The following KCNT2 variants were observed in gnomAD, a reference collection of about 807,000 sequenced individuals.
The protein encoded by KCNT2 is potassium channel subfamily T member 2.
A neutral mutation model predicts 153.8 loss-of-function variants in KCNT2; 67 were observed. That is an observed-to-expected ratio of 0.44 (90% CI 0.36 to 0.53). The LOEUF (loss-of-function observed/expected upper bound fraction) is 0.53. KCNT2 is among the 20% of genes least tolerant of loss of function. The pLI is 0.00. For missense variants in KCNT2, 975 were observed against 1,354.8 expected (o/e 0.72, Z 4.40); for synonymous variants, 500 against 458.8 (o/e 1.09, Z -1.15).
chr1:196,252,094 T>C (rs1235735242), intron 26 of KCNT2, among the ~76,000 whole-genome samples: 3 of 151,774 alleles, frequency 2.0e-5, no homozygotes, highest in Non-Finnish European at 3.0e-5. Flanking sequence ...ATTTTGCTAG[T>C]TGTGTTTTCT....
chr1:196,555,941 A>T (rs1169465766), intron 1 of KCNT2, among the ~76,000 whole-genome samples: 1 of 151,352 alleles, frequency 6.6e-6, no homozygotes, highest in African/African-American at 2.4e-5. Flanking sequence ...GGAAAACTGG[A>T]TATCCATATG....
intron 5 of KCNT2, among the ~76,000 whole-genome samples, chr1:196,477,514 G>A (rs1039782310): frequency 3.3e-5 from 5 of 152,082 alleles, no homozygotes; most frequent in African/African-American, 1.2e-4. Flanking sequence ...AACCCAGGCG[G>A]AGTTGAAGCT....
chr1:196,251,902 T>A (rs1026632974), intron 26 of KCNT2, among the ~76,000 whole-genome samples: 10 of 151,850 alleles, frequency 6.6e-5, no homozygotes, highest in Admixed American at 2.0e-4. Context: ...TCACAAAAAT[T>A]AAAAAATTTA....
chr1:196,460,687 G>C (rs143460993), intron 8 of KCNT2, among the ~76,000 whole-genome samples: 243 of 151,792 alleles, frequency 1.6e-3, no homozygotes, highest in Middle Eastern at 6.8e-3. Context: ...AAGTGTCATA[G>C]AGAAGCTACA....
At chr1:196,281,760 ATT>A (rs1227959527) in intron 24 of KCNT2, among the ~76,000 whole-genome samples, 4 of 141,702 alleles carry the variant, frequency 2.8e-5, no homozygotes, top group Admixed American at 7.1e-5. Flanking sequence ...TTCATTCAAC[ATT>A]TTTTTTTTTT....
At chr1:196,605,945 T>G (rs1276543508) in intron 1 of KCNT2, among the ~76,000 whole-genome samples, 1 of 152,170 alleles carries the variant, frequency 6.6e-6, no homozygotes, top group African/African-American at 2.4e-5. Flanking sequence ...TGAATAATAA[T>G]AAACTGAACT....
intron 5 of KCNT2, among the ~76,000 whole-genome samples, chr1:196,470,333 G>C (rs1026391824): frequency 3.9e-5 from 6 of 152,266 alleles, no homozygotes; most frequent in African/African-American, 1.4e-4. Context: ...AGGATGACTG[G>C]ATAATAACAG....
chr1:196,280,788 G>GTT, intron 25 of KCNT2, 72 bp downstream of exon 25: 1 of 1,337,380 alleles, frequency 7.5e-7, no homozygotes, highest in Non-Finnish European at 1.1e-6. Context: ...TTATAAATCA[G>GTT]TTTATAAGCT....
intron 4 of KCNT2, among the ~76,000 whole-genome samples, chr1:196,481,539 G>A (rs1354984092): frequency 6.6e-6 from 1 of 152,176 alleles, no homozygotes; most frequent in East Asian, 1.9e-4. Context: ...CTTTCCTCCA[G>A]ACTCAAGTGT....
intron 16 of KCNT2, among the ~76,000 whole-genome samples, chr1:196,334,915 A>G (rs1434928037): frequency 6.6e-6 from 1 of 152,100 alleles, no homozygotes; most frequent in Admixed American, 6.6e-5. Context: ...TAAGGAGCAC[A>G]CAAGTCATGG....
intron 1 of KCNT2, among the ~76,000 whole-genome samples, chr1:196,600,766 C>T (rs1419667219): frequency 2.0e-5 from 3 of 152,144 alleles, no homozygotes; most frequent in Non-Finnish European, 4.4e-5. Flanking sequence ...TGGTCATTTG[C>T]TGATACCTTT....
At chr1:196,327,668 C>CTTTTTTTTTTTTTT (rs773639795) in intron 18 of KCNT2, among the ~76,000 whole-genome samples, 29 of 127,874 alleles carry the variant, frequency 2.3e-4, no homozygotes, top group African/African-American at 4.2e-4. Context: ...ATATTCTGAT[C>CTTTTTTTTTTTTTT]TTTTTTTTTT....
At chr1:196,367,179 G>C (rs1668112571) in intron 14 of KCNT2, among the ~76,000 whole-genome samples, 1 of 152,032 alleles carries the variant, frequency 6.6e-6, no homozygotes, top group Admixed American at 6.6e-5. Context: ...ATAATCATAT[G>C]ACTTGTTTTG....
intron 25 of KCNT2, among the ~76,000 whole-genome samples, chr1:196,275,750 A>G (rs529461300): frequency 2.0e-5 from 3 of 152,056 alleles, no homozygotes; most frequent in Non-Finnish European, 2.9e-5. Context: ...AAGTCTTTAT[A>G]TTAGTTTATC....
chr1:196,580,020 G>A (rs1027054331), intron 1 of KCNT2, among the ~76,000 whole-genome samples: 1 of 152,054 alleles, frequency 6.6e-6, no homozygotes, highest in Non-Finnish European at 1.5e-5. Flanking sequence ...CCATTCATGT[G>A]GAAAGGTAGA....
At chr1:196,263,613 C>T (rs112753847) in intron 25 of KCNT2, among the ~76,000 whole-genome samples, 7,563 of 151,972 alleles carry the variant, frequency 0.05, 284 homozygotes, top group Non-Finnish European at 0.071. Context: ...TAGGTAGAAC[C>T]TCTATTACCT....
intron 1 of KCNT2, among the ~76,000 whole-genome samples, chr1:196,503,224 C>T (rs1157168266): frequency 6.6e-6 from 1 of 151,874 alleles, no homozygotes; most frequent in African/African-American, 2.4e-5. Context: ...CTTACCCCAC[C>T]TCCACTCCTT....
intron 22 of KCNT2, among the ~76,000 whole-genome samples, chr1:196,304,597 G>A (rs1661462356): frequency 6.6e-6 from 1 of 151,514 alleles, no homozygotes; most frequent in Non-Finnish European, 1.5e-5. Context: ...CTATTTAGTA[G>A]TAAGTAAAAG....
chr1:196,559,272 A>T (rs1345905137), intron 1 of KCNT2, among the ~76,000 whole-genome samples: 2 of 151,610 alleles, frequency 1.3e-5, no homozygotes, highest in Non-Finnish European at 3.0e-5. Flanking sequence ...CCTGGCAGTA[A>T]TTTAAAAAAT....
Sources: allele counts gnomAD v4.1 joint callset (sites outside exome capture counted in the v4.1 genomes callset), GRCh38; gene constraint gnomAD v4.1.1; transcripts MANE v1.5; gene names NCBI Gene and HGNC (gene_info 2026-07-23, HGNC 2026-07-21).